Variants in ADAMTSL1 observed in about 807,000 individuals in gnomAD.
ADAMTSL1 encodes ADAMTS like 1, also known as ADAMTS-like protein 1.
Under a neutral mutation model 201.8 loss-of-function variants are expected in ADAMTSL1, and 126 were observed. The ratio of observed to expected loss-of-function variants is 0.62; its 90% CI spans 0.54 to 0.72. The LOEUF is 0.72. Among genes scored for constraint, ADAMTSL1 ranks in the 30% least tolerant of loss-of-function variants. The pLI is 0.00. For synonymous variants in ADAMTSL1, 1,121 were observed against 903.4 expected (o/e 1.24, Z -4.32); for missense variants, 2,679 against 2,277.8 (o/e 1.18, Z -3.59).
chr9:18,444,538 A>G (rs983034760), intron 2 of ADAMTSL1, among the ~76,000 whole-genome samples: 2 of 152,166 alleles, frequency 1.3e-5, no homozygotes, highest in African/African-American at 4.8e-5. Flanking sequence ...TTTAGCCTAT[A>G]AGGATAAAAA....
intron 2 of ADAMTSL1, among the ~76,000 whole-genome samples, chr9:18,526,600 T>C (rs942693583): frequency 6.6e-6 from 1 of 152,248 alleles, no homozygotes; most frequent in African/African-American, 2.4e-5. Flanking sequence ...CCATGTTTAG[T>C]GCTTCCTTCA....
At position 18,668,796 on chromosome 9, in the gene ADAMTSL1, A is replaced by T. The variant is rs1018502053; in HGVS notation, c.1085+6723A>T. Reference sequence around the variant, plus strand: ...CTTGCCCAATGTCACTTCTGTTTGAAGTTTATAAGGTGCCTTCACATCCAT... The same window carrying T: ...CTTGCCCAATGTCACTTCTGTTTGATGTTTATAAGGTGCCTTCACATCCAT... On this transcript the variant is annotated intron_variant, in intron 9 of 28. Transcript: ENST00000380548. Among the ~76,000 whole-genome samples the T allele has an allele frequency of 1.1e-3, 164 of 152,306 alleles. 1 individual carries two copies. Among genetic ancestry groups the T allele is most frequent in the African/African-American group, 3.9e-3 (161 of 41,574 alleles).
chr9:18,236,620 T>C (rs1268114996), intron 2 of ADAMTSL1, among the ~76,000 whole-genome samples: 1 of 152,240 alleles, frequency 6.6e-6, no homozygotes, highest in Admixed American at 6.5e-5. Context: ...TTTTAGGTTG[T>C]TAAAAGAGAT....
chr9:18,275,167 T>C (rs531504722), intron 2 of ADAMTSL1, among the ~76,000 whole-genome samples: 1 of 152,246 alleles, frequency 6.6e-6, no homozygotes, highest in Non-Finnish European at 1.5e-5. Context: ...GAGTAAAAAC[T>C]AATTTCAAAA....
chr9:17,970,136 T>C (rs2131423701), intron 1 of ADAMTSL1, among the ~76,000 whole-genome samples: 1 of 152,140 alleles, frequency 6.6e-6, no homozygotes, highest in East Asian at 1.9e-4. Context: ...CTCATCATTT[T>C]CCCCTAGTTC....
chr9:18,401,515 A>G (rs1267672342), intron 2 of ADAMTSL1, among the ~76,000 whole-genome samples: 3 of 152,230 alleles, frequency 2.0e-5, no homozygotes, highest in Non-Finnish European at 2.9e-5. Context: ...GTAGAGGGAC[A>G]GTATCTGAAG....
chr9:17,962,634 C>T (rs1047455266), intron 1 of ADAMTSL1, among the ~76,000 whole-genome samples: 1 of 152,172 alleles, frequency 6.6e-6, no homozygotes, highest in Non-Finnish European at 1.5e-5. Context: ...TCAGAACTAG[C>T]AAGTTCTAGA....
rs141452774 is a variant in ADAMTSL1 at position 18,333,465 on chromosome 9, C to G, written c.207+169484C>G. On this transcript the variant is annotated intron_variant, in intron 2 of 29. Coordinates refer to the ADAMTSL1 transcript ENST00000680146. ...TCCCCAGCCATGTGGAATTGTGAGTCAAACCTCTTTTATTTATAAATTATG... is the reference window on the plus strand; with the variant it reads ...TCCCCAGCCATGTGGAATTGTGAGTGAAACCTCTTTTATTTATAAATTATG... Among the ~76,000 whole-genome samples, 841 of 152,268 alleles carry G rather than the reference C, an allele frequency of 5.5e-3. 9 individuals are homozygous for G. The highest frequency in any genetic ancestry group is 0.02 in the African/African-American group (811 of 41,582).
intron 2 of ADAMTSL1, among the ~76,000 whole-genome samples, chr9:18,213,171 T>A (rs535866831): frequency 6.6e-6 from 1 of 152,320 alleles, no homozygotes; most frequent in South Asian, 2.1e-4. Flanking sequence ...TCTTCCCTCT[T>A]TCCCCTCCTT....
intron 21 of ADAMTSL1, among the ~76,000 whole-genome samples, chr9:18,823,475 C>T (rs1824337734): frequency 6.6e-6 from 1 of 152,142 alleles, no homozygotes; most frequent in African/African-American, 2.4e-5. Context: ...GCAAGCCATT[C>T]CTGGGGGAGT....
chr9:18,492,335 A>G (rs1228700017), intron 1 of ADAMTSL1, among the ~76,000 whole-genome samples: 1 of 152,220 alleles, frequency 6.6e-6, no homozygotes, highest in Non-Finnish European at 1.5e-5. Flanking sequence ...ACTTTTGCTT[A>G]CAAGTATTTA....
intron 2 of ADAMTSL1, among the ~76,000 whole-genome samples, chr9:18,331,487 T>G (rs1413673546): frequency 6.6e-6 from 1 of 152,136 alleles, no homozygotes; most frequent in Non-Finnish European, 1.5e-5. Flanking sequence ...CAATAGTAAT[T>G]AGTCCTGAAC....
At chr9:18,173,058 T>C (rs547474905) in intron 2 of ADAMTSL1, among the ~76,000 whole-genome samples, 55 of 152,236 alleles carry the variant, frequency 3.6e-4, no homozygotes, top group African/African-American at 1.3e-3. Context: ...GTTACTGATT[T>C]TTTAAAAATG....
chr9:18,254,833 TTTAC>T (rs756672621), intron 2 of ADAMTSL1, among the ~76,000 whole-genome samples: 35 of 152,116 alleles, frequency 2.3e-4, no homozygotes, highest in Middle Eastern at 3.2e-3. Context: ...GCTTTGCTAA[TTTAC>T]TTTGTTAAAC....
intron 2 of ADAMTSL1, among the ~76,000 whole-genome samples, chr9:18,307,793 G>A (rs369405617): frequency 2.6e-5 from 4 of 152,112 alleles, no homozygotes; most frequent in Non-Finnish European, 4.4e-5. Flanking sequence ...CAATGAGACA[G>A]AAAATTAACA....
chr9:18,729,431 C>T (rs924820838), intron 15 of ADAMTSL1, among the ~76,000 whole-genome samples: 2 of 152,162 alleles, frequency 1.3e-5, no homozygotes, highest in Non-Finnish European at 2.9e-5. Flanking sequence ...CTGCAGGGAG[C>T]AAGACCTACC....
intron 1 of ADAMTSL1, among the ~76,000 whole-genome samples, chr9:18,158,720 C>T (rs1329786988): frequency 6.6e-6 from 1 of 151,896 alleles, no homozygotes; most frequent in Non-Finnish European, 1.5e-5. Context: ...TGGGAGTATG[C>T]CCATTTCTGA....
At chr9:18,432,909 G>T (rs1819560162) in intron 2 of ADAMTSL1, among the ~76,000 whole-genome samples, 1 of 152,086 alleles carries the variant, frequency 6.6e-6, no homozygotes, top group Admixed American at 6.6e-5. Flanking sequence ...TACCAATCTT[G>T]CTTTAGCTTT....
At chr9:18,257,411 A>G (rs1831730698) in intron 2 of ADAMTSL1, among the ~76,000 whole-genome samples, 1 of 152,220 alleles carries the variant, frequency 6.6e-6, no homozygotes, top group Non-Finnish European at 1.5e-5. Flanking sequence ...TAAGCGCATG[A>G]AAAGATGCTC....
Sources: allele counts gnomAD v4.1 joint callset (sites outside exome capture counted in the v4.1 genomes callset), GRCh38; gene constraint gnomAD v4.1.1; transcripts MANE v1.5; gene names NCBI Gene and HGNC (gene_info 2026-07-23, HGNC 2026-07-21).